TET3: variants seen among roughly 807,000 people sequenced by gnomAD.
TET3 encodes tet methylcytosine dioxygenase 3, also known as methylcytosine dioxygenase TET3.
In TET3, 19 loss-of-function variants were observed where a neutral mutation model predicts 141.4. The observed-to-expected ratio is 0.13, with a 90% CI of 0.09 to 0.20. TET3 has a LOEUF of 0.20. TET3 is among the 10% of genes least tolerant of loss of function. TET3 has a pLI of 1.00. For synonymous variants in TET3, 1,043 were observed against 980.9 expected (o/e 1.06, Z -1.18); for missense variants, 1,874 against 2,356.9 (o/e 0.80, Z 4.24).
the TET3 span, among the ~76,000 whole-genome samples, chr2:74,113,203 G>T: frequency 6.6e-6 from 1 of 151,712 alleles, no homozygotes. Flanking sequence ...TGGCCAACAT[G>T]GTGAAACCCT....
At chr2:74,134,517 C>T in the TET3 span, 2 of 334,370 alleles carry the variant, frequency 6.0e-6, no homozygotes, top group Non-Finnish European at 6.0e-6. Flanking sequence ...AGGGAGGTAC[C>T]TTCAGAACCA....
rs748815222 is a variant in TET3, at chr2:74,048,207, G to A, written c.2290G>A (p.Ala764Thr). Residue 764 changes from alanine to threonine, a missense_variant, in exon 4 of 12, where the codon GCT (alanine) becomes ACT (threonine). Around this residue, in one of 10 missense-constraint regions of TET3, gnomAD observed 83 missense variants for 107.0 expected, o/e 0.78. Coordinates refer to ENST00000409262, the MANE Select transcript of TET3 (RefSeq NM_001287491.2). ...PKQIKIESSG[A>T]VTVLSTTCFH... The stretch of plus-strand genomic sequence containing the variant: ...GCAAATCAAGATTGAGTCTTCGGGG[G>A]CTGTGACTGTGCTCTCAACCACCTG... 1.2e-6 allele frequency: 2 copies of A among 1,612,722 alleles called. No homozygotes were observed. The highest frequency in any genetic ancestry group is 1.1e-5 in the South Asian group (1 of 90,856).
In TET3 at chr2:74,016,295, C is replaced by T. The variant is rs13411735; in HGVS notation, c.360+13129C>T. 3.9e-3 allele frequency among the ~76,000 whole-genome samples: 584 copies of T among 150,532 alleles called. 5 individuals carry two copies. Among genetic ancestry groups the T allele is most frequent in the African/African-American group, 0.014 (556 of 40,946 alleles). ...TCCAGCCTGGGCTACAGAGCAAGAC[C>T]CTGTCTCTTTAAAAAAAAAAAAAAA... On this transcript the variant is annotated intron_variant, in intron 3 of 11. Coordinates refer to ENST00000409262, the MANE Select transcript of TET3 (RefSeq NM_001287491.2).
chr2:73,986,178 C>G lies in TET3; in HGVS notation c.-226C>G, dbSNP rs1396710022. The G allele has an allele frequency of 1.3e-5, 5 of 379,100 alleles. No homozygotes were observed. 23.5% of individuals were successfully genotyped at this position (379,100 alleles called of 1,614,324 possible). ...GGTGTCCTCCCCCAGATCCTGGGCCCCAGCAGGTGGGAGAGTGGCCCCCTA... is the reference window on the plus strand; with the variant it reads ...GGTGTCCTCCCCCAGATCCTGGGCCGCAGCAGGTGGGAGAGTGGCCCCCTA... On this transcript the variant is annotated 5_prime_UTR_variant, in exon 2 of 12. Coordinates refer to ENST00000409262, the MANE Select transcript of TET3 (RefSeq NM_001287491.2).
At chr2:74,120,124 C>T in the TET3 span, among the ~76,000 whole-genome samples, 5 of 152,226 alleles carry the variant, frequency 3.3e-5, no homozygotes, top group Admixed American at 1.3e-4. Context: ...GGTTGGACCT[C>T]CAGGTTCTTC....
Position 74,102,005 on chromosome 2 carries a change from C to G in TET3, c.5217C>G (p.Leu1739=), listed in dbSNP as rs1235319156. Residue 1739 remains leucine, a synonymous_variant, in exon 12 of 12, where the codon CTC becomes CTG. Coordinates refer to ENST00000409262, the MANE Select transcript of TET3 (RefSeq NM_001287491.2). ...RLGLGQQEAK[L]YGKKRKWGGT... ...GCCTGGGCCAGCAGGAGGCCAAGCT[C>G]TACGGGAAGAAGCGCAAGTGGGGGG... The G allele has an allele frequency of 1.9e-6, 3 of 1,591,020 alleles. No homozygotes were observed. Among genetic ancestry groups the G allele is most frequent in the Non-Finnish European group, 2.6e-6 (3 of 1,166,338 alleles).
At chr2:74,121,033 G>A in the TET3 span, 1 of 152,086 alleles carries the variant, frequency 6.6e-6, no homozygotes, top group African/African-American at 2.4e-5. Context: ...GAGACTTGAT[G>A]GAAGCAACTT....
chr2:74,126,493 T>G, the TET3 span, among the ~76,000 whole-genome samples: 53 of 145,724 alleles, frequency 3.6e-4, no homozygotes, highest in Non-Finnish European at 2.1e-4. Context: ...AATTTTATAT[T>G]TGCTGGATTT....
At chr2:74,038,920 C>CT (rs1415458640) in intron 3 of TET3, among the ~76,000 whole-genome samples, 1 of 152,222 alleles carries the variant, frequency 6.6e-6, no homozygotes, top group Non-Finnish European at 1.5e-5. Flanking sequence ...GATTCTGTTC[C>CT]TTGTCTCACT....
downstream of TET3, among the ~76,000 whole-genome samples, chr2:74,111,906 A>G (rs984661853): frequency 2.6e-5 from 4 of 152,162 alleles, no homozygotes; most frequent in Admixed American, 2.0e-4. Flanking sequence ...TTAGGGCATG[A>G]CCTGAGTCTG....
intron 7 of TET3, among the ~76,000 whole-genome samples, chr2:74,088,910 G>C (rs1466385802): frequency 6.6e-6 from 1 of 151,880 alleles, no homozygotes; most frequent in Non-Finnish European, 1.5e-5. Flanking sequence ...GCGAAACCCT[G>C]TCTTTACTAA....
At chr2:74,088,135 G>A in intron 7 of TET3, 97 bp downstream of exon 7, 1 of 1,242,788 alleles carries the variant, frequency 8.0e-7, no homozygotes, top group Non-Finnish European at 1.1e-6. Context: ...GCTCCTAGGG[G>A]CCCTCTCTGC....
chr2:73,989,628 T>C (rs10197238), intron 2 of TET3, among the ~76,000 whole-genome samples: 13,967 of 152,144 alleles, frequency 0.092, 1,573 homozygotes, highest in African/African-American at 0.26. Flanking sequence ...TGGGCCTTCC[T>C]GCCCTAGGAG....
At chr2:74,130,734 G>T in the TET3 span, 1 of 152,254 alleles carries the variant, frequency 6.6e-6, no homozygotes, top group African/African-American at 2.4e-5. Context: ...CGGCCTGAGG[G>T]ACCGCAGACT....
chr2:74,125,462 C>A, the TET3 span, among the ~76,000 whole-genome samples: 1 of 152,170 alleles, frequency 6.6e-6, no homozygotes, highest in Non-Finnish European at 1.5e-5. Flanking sequence ...TGACTATAAT[C>A]AAGTTTTTCA....
chr2:74,052,556 C>CAAA (rs70965779), intron 4 of TET3, among the ~76,000 whole-genome samples: 2,104 of 92,344 alleles, frequency 0.023, 61 homozygotes, highest in African/African-American at 0.075. Context: ...TTCCTATAGC[C>CAAA]AAAAAAAAAA....
downstream of TET3, among the ~76,000 whole-genome samples, chr2:74,110,534 C>A (rs775428347): frequency 1.3e-5 from 2 of 152,070 alleles, no homozygotes; most frequent in Admixed American, 6.6e-5. Context: ...AAAACATGTT[C>A]GACACACATA....
downstream of TET3, among the ~76,000 whole-genome samples, chr2:74,113,002 GTC>G (rs1691739111): frequency 1.4e-5 from 1 of 73,578 alleles, no homozygotes; most frequent in African/African-American, 5.8e-5. Context: ...GTGAGACTCC[GTC>G]TCAAAAAAAA....
At chr2:74,008,924 T>C (rs1313212593) in intron 3 of TET3, among the ~76,000 whole-genome samples, 2 of 152,186 alleles carry the variant, frequency 1.3e-5, no homozygotes, top group Non-Finnish European at 2.9e-5. Flanking sequence ...CAACCCCGCC[T>C]CCAGGCATTT....
Sources: gnomAD v4.1 joint callset for allele counts (sites outside exome capture counted in the v4.1 genomes callset) on GRCh38, gnomAD v4.1.1 for gene constraint, gnomAD v4.1.1 regional missense constraint, MANE v1.5 for transcripts, NCBI Gene and HGNC (gene_info 2026-07-23, HGNC 2026-07-21) for gene names.